TLCD1: variants seen among roughly 807,000 people sequenced by gnomAD.
The protein encoded by TLCD1 is TLC domain-containing protein 1.
A neutral mutation model predicts 21.2 loss-of-function variants in TLCD1; 21 were observed. The observed-to-expected ratio is 0.99, with a 90% CI of 0.70 to 1.42. TLCD1 has a LOEUF of 1.42. Among genes scored for constraint, TLCD1 ranks in the 40% most tolerant of loss-of-function variants. TLCD1 has a pLI of 0.00. For synonymous variants in TLCD1, 168 were observed against 134.8 expected (o/e 1.25, Z -1.71); for missense variants, 344 against 330.3 (o/e 1.04, Z -0.32).
upstream of TLCD1, chr17:28,727,887 C>T (rs2034256186): frequency 6.6e-6 from 1 of 152,234 alleles, no homozygotes; most frequent in Non-Finnish European, 1.5e-5. Context: ...CCCCAAAGTG[C>T]TGGAATTACA....
chr17:28,726,846 C>T (rs2151728711), upstream of TLCD1: 2 of 1,543,152 alleles, frequency 1.3e-6, no homozygotes, highest in Non-Finnish European at 1.7e-6. Flanking sequence ...CTCCTGGGGC[C>T]GGGCGGCTGT....
In TLCD1 at chr17:28,726,207, C is replaced by A; in HGVS notation, c.-110G>T. On this transcript the variant is annotated 5_prime_UTR_variant, in exon 1 of 4. Transcript: ENST00000292090. ...GGCCGCCTCTCCCGCCGGCCGCCAG[C>A]CCCACACAGTTGGCGAAGCCCTCTA... 7.3e-7 allele frequency: 1 copy of A among 1,369,494 alleles called. No individual in the cohort carries two copies. Among genetic ancestry groups the A allele is most frequent in the South Asian group, 1.7e-5 (1 of 59,072 alleles). The allele number at this position is 1,369,494 out of a possible 1,614,324, so 84.8% of individuals were successfully genotyped here. A position where few individuals can be genotyped will look rare whatever the true frequency, so the allele number is the denominator to read the frequency against.
rs1213950317 is a variant in TLCD1, at chr17:28,724,431, G to A, written c.*79C>T. On this transcript the variant is annotated 3_prime_UTR_variant, in exon 4 of 4. Coordinates refer to ENST00000292090, the MANE Select transcript of TLCD1 (RefSeq NM_138463.4). ...AGAGGCTGGCCTCAGAGGACACCCAGGCTTGGGGCTAAGTCCCAGTGTCCA... is the reference window on the plus strand; with the variant it reads ...AGAGGCTGGCCTCAGAGGACACCCAAGCTTGGGGCTAAGTCCCAGTGTCCA... The A allele has an allele frequency of 6.5e-7, 1 of 1,543,660 alleles. No homozygotes were observed. Among genetic ancestry groups the A allele is most frequent in the African/African-American group, 1.4e-5 (1 of 73,156 alleles).
intron 3 of TLCD1, 33 bp downstream of exon 3, chr17:28,725,271 A>G (rs2034201645): frequency 2.5e-6 from 4 of 1,608,824 alleles, no homozygotes; most frequent in Non-Finnish European, 3.4e-6. Context: ...TACTGACACC[A>G]GGCCTATACC....
intron 3 of TLCD1, 23 bp downstream of exon 3, chr17:28,725,281 C>T: frequency 6.2e-7 from 1 of 1,613,094 alleles, no homozygotes; most frequent in Non-Finnish European, 8.5e-7. Context: ...AGGCCTATAC[C>T]ACATAGTCTG....
chr17:28,724,669 C>A lies in TLCD1; in HGVS notation c.585G>T (p.Leu195Phe). ...APQAYLTHFF[L>F]RYVNQRTLGT... ...CCAGGGTCCTCTGGTTCACATAACGCAAGAAGAAATGGGTGAGGTAGGCCT... is the reference window on the plus strand; with the variant it reads ...CCAGGGTCCTCTGGTTCACATAACGAAAGAAGAAATGGGTGAGGTAGGCCT... The change falls in exon 4 of 4, where the codon TTG becomes TTT. Residue 195 changes from leucine (L) to phenylalanine (F), a missense_variant. Coordinates refer to ENST00000292090, the MANE Select transcript of TLCD1 (RefSeq NM_138463.4). The A allele has an allele frequency of 6.2e-7, 1 of 1,614,030 alleles. No individual in the cohort carries two copies. Among genetic ancestry groups the A allele is most frequent in the South Asian group, 1.1e-5 (1 of 91,072 alleles).
Position 28,724,464 on chromosome 17 carries a change from C to T in TLCD1, c.*46G>A, listed in dbSNP as rs1288383796. On this transcript the variant is annotated 3_prime_UTR_variant, in exon 4 of 4. Coordinates refer to ENST00000292090, the MANE Select transcript of TLCD1 (RefSeq NM_138463.4). ...GCTAAGTCCCAGTGTCCATATGAAG[C>T]TGTTTCTGGCCTTGTCCGTTTTTGT... 2 of 1,587,522 alleles carry T rather than the reference C, an allele frequency of 1.3e-6. No individual in the cohort carries two copies. The highest frequency in any genetic ancestry group is 2.7e-5 in the African/African-American group (2 of 74,416).
chr17:28,725,784 T>G, intron 1 of TLCD1, 120 bp downstream of exon 1: 2 of 1,349,322 alleles, frequency 1.5e-6, no homozygotes, highest in Non-Finnish European at 2.0e-6. Context: ...CCAAACGGGA[T>G]CAGGTGAGAC....
In TLCD1 at chr17:28,724,717, G is replaced by A. The variant is rs746121433; in HGVS notation, c.537C>T (p.Tyr179=). ...RVNKYVNLVM[Y]FLFRLAPQAY... is the part of the protein sequence containing the mutation. ...CCTGAGGGGCCAGGCGGAAGAGAAAGTACATGACCAGGTTCACATACTTGT... is the reference window on the plus strand; with the variant it reads ...CCTGAGGGGCCAGGCGGAAGAGAAAATACATGACCAGGTTCACATACTTGT... Residue 179 remains tyrosine, a synonymous_variant, in exon 4 of 4, where the codon TAC becomes TAT. Transcript: ENST00000292090. The A allele has an allele frequency of 3.1e-6, 5 of 1,614,194 alleles. No individual in the cohort carries two copies. The highest frequency in any genetic ancestry group is 4.2e-6 in the Non-Finnish European group (5 of 1,180,042).
chr17:28,726,240 T>C, upstream of TLCD1: 1 of 1,296,388 alleles, frequency 7.7e-7, no homozygotes. Context: ...CTAGGCCCCT[T>C]GGCTCCTCCT....
chr17:28,725,659 G>A (rs1567755500), intron 1 of TLCD1, 96 bp from the exon 2 acceptor site: 3 of 1,348,588 alleles, frequency 2.2e-6, no homozygotes, highest in South Asian at 2.4e-5. Context: ...TCCTGGGCTC[G>A]CGCTAGTGGC....
rs755630500 is a variant in TLCD1 at position 28,725,993 on chromosome 17, C to T, written c.105G>A (p.Val35=). ...GCCAGGTGCGCAGGGGGTCGGCGCGCACGTGCACGGGTAGGGGCAGGCGAC... is the reference window on the plus strand; with the variant it reads ...GCCAGGTGCGCAGGGGGTCGGCGCGTACGTGCACGGGTAGGGGCAGGCGAC... ...ALCRLPLPVH[V]RADPLRTWRW... is the part of the protein sequence containing the mutation. Residue 35 remains valine, a synonymous_variant, in exon 1 of 4, where the codon GTG becomes GTA. Coordinates refer to ENST00000292090, the MANE Select transcript of TLCD1 (RefSeq NM_138463.4). 7.4e-6 allele frequency: 12 copies of T among 1,611,334 alleles called. No homozygotes were observed. In the African/African-American group the frequency reaches 1.5e-4, roughly 20 times the overall value.
rs529497374 is a variant in TLCD1 at position 28,725,170 on chromosome 17, C to T, written c.360+134G>A. On this transcript the variant is annotated intron_variant, in intron 3 of 3. Transcript: ENST00000292090. ...AGTACAGACTGCCAACCTCCAGCAT[C>T]CTAGCATAAGAAGTAGCACACAGGT... 65 of 1,055,116 alleles carry T rather than the reference C, an allele frequency of 6.2e-5. No individual in the cohort carries two copies. In the African/African-American group the frequency reaches 8.9e-4, roughly 14 times the overall value. 65.4% of individuals were successfully genotyped at this position (1,055,116 alleles called of 1,614,324 possible). A position where few individuals can be genotyped will look rare whatever the true frequency, so the allele number is the denominator to read the frequency against.
chr17:28,727,744 C>G (rs1022953609), upstream of TLCD1: 1 of 152,106 alleles, frequency 6.6e-6, no homozygotes, highest in African/African-American at 2.4e-5. Context: ...CTCAGCCTCC[C>G]GAGTAGCTGG....
chr17:28,726,137 A>G lies in TLCD1; in HGVS notation c.-40T>C. The G allele has an allele frequency of 1.4e-6, 2 of 1,415,754 alleles. No individual in the cohort carries two copies. The highest frequency in any genetic ancestry group is 1.8e-6 in the Non-Finnish European group (2 of 1,097,234). The allele number at this position is 1,415,754 out of a possible 1,614,324, so 87.7% of individuals were successfully genotyped here. A position where few individuals can be genotyped will look rare whatever the true frequency, so the allele number is the denominator to read the frequency against. On this transcript the variant is annotated 5_prime_UTR_variant, in exon 1 of 4. Coordinates refer to ENST00000292090, the MANE Select transcript of TLCD1 (RefSeq NM_138463.4). ...CCGTCCGCCCTCGAGGCCGCCTCCT[A>G]GGTCTGTTCTGGGAACCGGGATCCC...
In TLCD1 at chr17:28,724,415, C is replaced by T; in HGVS notation, c.*95G>A. 3 of 1,478,188 alleles carry T rather than the reference C, an allele frequency of 2.0e-6. No individual in the cohort carries two copies. The highest frequency in any genetic ancestry group is 2.7e-6 in the Non-Finnish European group (3 of 1,092,342). 91.6% of individuals were successfully genotyped at this position (1,478,188 alleles called of 1,614,324 possible). A position where few individuals can be genotyped will look rare whatever the true frequency, so the allele number is the denominator to read the frequency against. ...CAGGCTCAGAAGGTGGAGAGGCTGG[C>T]CTCAGAGGACACCCAGGCTTGGGGC... On this transcript the variant is annotated 3_prime_UTR_variant, in exon 4 of 4. Coordinates refer to ENST00000292090, the MANE Select transcript of TLCD1 (RefSeq NM_138463.4).
intron 1 of TLCD1, 88 bp from the exon 2 acceptor site, chr17:28,725,651 C>T: frequency 1.4e-6 from 2 of 1,431,516 alleles, no homozygotes; most frequent in Non-Finnish European, 2.0e-6. Flanking sequence ...CCGGGGGATC[C>T]TGGGCTCGCG....
At position 28,726,034 on chromosome 17, in the gene TLCD1, G is replaced by T; in HGVS notation, c.64C>A (p.Leu22Ile). ...LLGATLTFRALRRALCRLPLP... is the reference protein window; with the variant it reads ...LLGATLTFRAIRRALCRLPLP... The stretch of plus-strand genomic sequence containing the variant: ...GGCAGGCGACAGAGCGCGCGCCGGA[G>T]CGCCCGGAAGGTCAGCGTGGCGCCC... Residue 22 changes from leucine (L) to isoleucine (I), a missense_variant, in exon 1 of 4, where the codon CTC becomes ATC. Leu to Ile is a conservative substitution (Grantham distance 5). Transcript: ENST00000292090. 6.3e-7 allele frequency: 1 copy of T among 1,590,340 alleles called. No homozygotes were observed.
At position 28,725,524 on chromosome 17, in the gene TLCD1, C is replaced by T; in HGVS notation, c.234G>A (p.Thr78=). ...GCAAATAGCCAGAAAGTGACCACGCCGTCTCAATCTCCACTAACATGTCAG... is the reference window on the plus strand; with the variant it reads ...GCAAATAGCCAGAAAGTGACCACGCTGTCTCAATCTCCACTAACATGTCAG... ...QTPDMLVEIE[T]AWSLSGYLLV... is the part of the protein sequence containing the mutation. The change falls in exon 2 of 4, where the codon ACG becomes ACA. Residue 78 remains threonine, a synonymous_variant. Transcript: ENST00000292090. 1.2e-6 allele frequency: 2 copies of T among 1,614,120 alleles called. No individual in the cohort carries two copies. Among genetic ancestry groups the T allele is most frequent in the Non-Finnish European group, 1.7e-6 (2 of 1,179,998 alleles).
Sources: allele counts gnomAD v4.1 joint callset, GRCh38; gene constraint gnomAD v4.1.1; transcripts MANE v1.5; gene names NCBI Gene and HGNC (gene_info 2026-07-23, HGNC 2026-07-21).